The following CHD9 variants were observed in gnomAD, a reference collection of about 807,000 sequenced individuals.
CHD9 encodes the protein chromodomain helicase DNA binding protein 9, also known as ATP-dependent chromatin remodeler CHD9.
A neutral mutation model predicts 316.1 loss-of-function variants in CHD9; 77 were observed. The observed-to-expected ratio is 0.24, with a 90% confidence interval of 0.20 to 0.29. CHD9 has a LOEUF of 0.29. Ranked by LOEUF, CHD9 falls within the 10% of genes least tolerant of loss-of-function variation. The pLI is 1.00. For missense variants in CHD9, 2,763 were observed against 3,438.1 expected (o/e 0.80, Z 4.91); for synonymous variants, 1,129 against 1,158.3 (o/e 0.97, Z 0.51).
Position 53,072,426 on chromosome 16 carries a change from G to T in CHD9, c.-165+17349G>T, listed in dbSNP as rs145337200. Among the ~76,000 whole-genome samples the T allele has an allele frequency of 2.3e-5, 3 of 132,356 alleles. No individual in the cohort carries two copies. The Admixed American group carries it at 2.6e-4, about 11-fold the overall frequency. The allele number at this position is 132,356 out of a possible 152,430, so 86.8% of individuals were successfully genotyped here. ...TTTTTTTTTTTTTTTTTGAGGCAGG[G>T]TCTTGCTCTGTTGCTCAGGCTAGAG... On this transcript the variant is annotated intron_variant, in intron 1 of 38. Coordinates refer to ENST00000447540, the MANE Select transcript of CHD9 (RefSeq NM_001308319.2).
At chr16:53,294,247 C>T (rs1036339432) in intron 29 of CHD9, among the ~76,000 whole-genome samples, 9 of 152,136 alleles carry the variant, frequency 5.9e-5, no homozygotes, top group South Asian at 4.2e-4. Flanking sequence ...CCTTGTTACC[C>T]GGGTCCTTGG....
intron 29 of CHD9, among the ~76,000 whole-genome samples, chr16:53,296,160 G>C (rs2054765613): frequency 6.6e-6 from 1 of 152,212 alleles, no homozygotes; most frequent in Admixed American, 6.5e-5. Flanking sequence ...AGTCTGAACT[G>C]ATCCTTCTAT....
intron 1 of CHD9, among the ~76,000 whole-genome samples, chr16:53,130,523 G>T (rs1279947684): frequency 6.7e-6 from 1 of 149,616 alleles, no homozygotes; most frequent in East Asian, 2.0e-4. Context: ...TGAGGGCGCG[G>T]CCTGACGTGG....
At chr16:53,233,902 TG>T (rs759661538) in intron 10 of CHD9, among the ~76,000 whole-genome samples, 1 of 152,178 alleles carries the variant, frequency 6.6e-6, no homozygotes, top group Non-Finnish European at 1.5e-5. Flanking sequence ...GGAGACCTTT[TG>T]CTTGTTTCTC....
chr16:53,126,355 A>G lies in CHD9; in HGVS notation c.-164-29571A>G, dbSNP rs1270998749. Among the ~76,000 whole-genome samples the G allele has an allele frequency of 3.3e-5, 5 of 152,332 alleles. No individual in the cohort carries two copies. In the South Asian group the frequency reaches 1.0e-3, roughly 32 times the overall value. Reference sequence around the variant, plus strand: ...CTTACTGAAAATCAATTGACCATCAATTGACCATAAATGTAAGAGTTTATT... The same window carrying G: ...CTTACTGAAAATCAATTGACCATCAGTTGACCATAAATGTAAGAGTTTATT... On this transcript the variant is annotated intron_variant, in intron 1 of 38. Transcript: ENST00000447540.
In CHD9 at chr16:53,209,659, A is replaced by G. The variant is rs759911070; in HGVS notation, c.1630A>G (p.Asn544Asp). The G allele has an allele frequency of 3.7e-5, 59 of 1,613,832 alleles. No individual in the cohort carries two copies. The highest frequency in any genetic ancestry group is 5.0e-5 in the Non-Finnish European group (59 of 1,179,850). The change falls in exon 3 of 39, where the codon AAT (asparagine) becomes GAT (aspartate). Residue 544 changes from asparagine (N) to aspartate (D), a missense_variant. Asn to Asp is a conservative substitution (Grantham distance 23). Transcript: ENST00000447540. The part of the protein sequence containing the change: ...IAKAKERGER[N>D]IPRVMSPENF... ...AAAAGCAAAGGAGCGTGGGGAACGC[A>G]ATATTCCACGAGTAATGAGCCCTGA...
At chr16:53,146,419 G>GTATATGTATATATATA (rs1725342214) in intron 1 of CHD9, among the ~76,000 whole-genome samples, 1 of 76,714 alleles carries the variant, frequency 1.3e-5, no homozygotes. Context: ...GTGTGTGTAT[G>GTATATGTATATATATA]TATATATATA....
At chr16:53,272,471 G>A (rs1389269433) in intron 22 of CHD9, among the ~76,000 whole-genome samples, 1 of 151,892 alleles carries the variant, frequency 6.6e-6, no homozygotes, top group Non-Finnish European at 1.5e-5. Flanking sequence ...AGGTAAATGA[G>A]GTACAAGAAT....
intron 2 of CHD9, among the ~76,000 whole-genome samples, chr16:53,165,451 A>G (rs921131738): frequency 2.6e-5 from 4 of 152,200 alleles, no homozygotes; most frequent in Non-Finnish European, 5.9e-5. Context: ...CTTTAATTAC[A>G]TGGATCTTTT....
chr16:53,088,529 C>T (rs913471199), intron 1 of CHD9, among the ~76,000 whole-genome samples: 1 of 151,806 alleles, frequency 6.6e-6, no homozygotes. Flanking sequence ...CCACCCTCCT[C>T]GGCCTCCCAA....
chr16:53,121,686 G>T, intron 1 of CHD9: 1 of 218,444 alleles, frequency 4.6e-6, no homozygotes, highest in South Asian at 6.4e-5. Flanking sequence ...GCTTTTAAAT[G>T]ATCTTTGAGG....
Position 53,314,820 on chromosome 16 carries a change from C to T in CHD9, c.7363-3C>T. On this transcript the variant is annotated splice_polypyrimidine_tract_variant and splice_region_variant and intron_variant, in intron 35 of 38. Coordinates refer to ENST00000447540, the MANE Select transcript of CHD9 (RefSeq NM_001308319.2). Reference sequence around the variant, plus strand: ...AAAGATACCATTTGGTGTTTTTTTACAGGTTTCTTTAGGCTTAACCTCCTC... The same window carrying T: ...AAAGATACCATTTGGTGTTTTTTTATAGGTTTCTTTAGGCTTAACCTCCTC... 1.3e-6 allele frequency: 2 copies of T among 1,584,448 alleles called. No individual in the cohort carries two copies. The highest frequency in any genetic ancestry group is 1.7e-6 in the Non-Finnish European group (2 of 1,163,452).
chr16:53,316,614 A>G (rs1405898261), intron 36 of CHD9, among the ~76,000 whole-genome samples: 1 of 152,174 alleles, frequency 6.6e-6, no homozygotes, highest in African/African-American at 2.4e-5. Context: ...CTGCTTTCCC[A>G]AGGAAAAGCA....
Position 53,222,697 on chromosome 16 carries a change from A to T in CHD9, c.1838A>T (p.Asp613Val). Residue 613 changes from aspartate (D) to valine (V), a missense_variant, in exon 4 of 39, where the codon GAT (aspartate) becomes GTT (valine). Physicochemically the swap from Asp to Val is radical, Grantham distance 152 (BLOSUM62 -3). Coordinates refer to ENST00000447540, the MANE Select transcript of CHD9 (RefSeq NM_001308319.2). ...CAAAAAAGAAAGAATGAGTCTTCAG[A>T]TGAAATATCTGATGCAGAACAGATG... is the stretch of plus-strand genomic sequence containing the variant. Reference protein sequence around the residue: ...KKQKRKNESSDEISDAEQMPQ... With the variant: ...KKQKRKNESSVEISDAEQMPQ... 6.3e-7 allele frequency: 1 copy of T among 1,584,872 alleles called. No homozygotes were observed. Among genetic ancestry groups the T allele is most frequent in the Non-Finnish European group, 8.6e-7 (1 of 1,161,590 alleles).
chr16:53,266,454 A>G (rs1166181020), intron 20 of CHD9, among the ~76,000 whole-genome samples: 1 of 152,044 alleles, frequency 6.6e-6, no homozygotes, highest in African/African-American at 2.4e-5. Context: ...TCTTTCCTCT[A>G]CTTGTAATGC....
chr16:53,243,095 A>AT, intron 13 of CHD9, 79 bp downstream of exon 13: 1 of 1,068,030 alleles, frequency 9.4e-7, no homozygotes, highest in Non-Finnish European at 1.3e-6. Context: ...AATGCTAAAA[A>AT]TTTTTCTTTT....
chr16:53,121,172 T>G (rs1359207425), intron 1 of CHD9: 1 of 331,376 alleles, frequency 3.0e-6, no homozygotes, highest in Non-Finnish European at 6.0e-6. Context: ...TCTTGTTCAT[T>G]GTTGTATTCC....
At chr16:53,204,098 G>A (rs1251482078) in intron 2 of CHD9, among the ~76,000 whole-genome samples, 2 of 134,604 alleles carry the variant, frequency 1.5e-5, no homozygotes, top group East Asian at 2.2e-4. Flanking sequence ...TTTATGTCAA[G>A]TAGAATGTTT....
At chr16:53,068,957 A>T (rs1308192837) in intron 1 of CHD9, among the ~76,000 whole-genome samples, 1 of 152,060 alleles carries the variant, frequency 6.6e-6, no homozygotes, top group Non-Finnish European at 1.5e-5. Flanking sequence ...ATGACATTGA[A>T]ATTTACCATT....
Sources: allele counts gnomAD v4.1 joint callset (sites outside exome capture counted in the v4.1 genomes callset), GRCh38; gene constraint gnomAD v4.1.1; transcripts MANE v1.5; gene names NCBI Gene and HGNC (gene_info 2026-07-23, HGNC 2026-07-21).